Variants in TBC1D30 observed in about 807,000 individuals in gnomAD.
The protein encoded by TBC1D30 is TBC1 domain family, member 30.
Under a neutral mutation model 63.2 loss-of-function variants are expected in TBC1D30, and 31 were observed. That is an observed-to-expected ratio of 0.49 (90% CI 0.37 to 0.66). The LOEUF (loss-of-function observed/expected upper bound fraction) is 0.66, where lower values mean the gene tolerates loss of function less well. TBC1D30 is among the 30% of genes least tolerant of loss of function. The pLI, the probability that TBC1D30 is intolerant of heterozygous loss-of-function variation, is 0.00. For missense variants in TBC1D30, 810 were observed against 953.6 expected, an observed-to-expected ratio of 0.85 and a Z score of 1.98; for synonymous variants, 307 against 361.5, an observed-to-expected ratio of 0.85 and a Z score of 1.71.
Position 64,880,266 on chromosome 12 carries a change from G to T in TBC1D30, c.*4478G>T, listed in dbSNP as rs1879374950. 1 of 152,296 alleles carries T rather than the reference G, an allele frequency of 6.6e-6. No individual in the cohort carries two copies. Among genetic ancestry groups the T allele is most frequent in the African/African-American group, 2.4e-5 (1 of 41,438 alleles). 9.4% of individuals were successfully genotyped at this position (152,296 alleles called of 1,614,324 possible). A position where few individuals can be genotyped will look rare whatever the true frequency, so the allele number is the denominator to read the frequency against. On this transcript the variant is annotated 3_prime_UTR_variant, in exon 12 of 12. Coordinates refer to ENST00000539867, the MANE Select transcript of TBC1D30 (RefSeq NM_015279.2). ...ACCTGAATGGGGACTGGTACTGTAG[G>T]TATTGGGTCAGCTTTCATGCCGTTC... is the stretch of plus-strand genomic sequence containing the variant.
At chr12:64,871,546 G>A (rs1185615304) in intron 11 of TBC1D30, among the ~76,000 whole-genome samples, 1 of 152,154 alleles carries the variant, frequency 6.6e-6, no homozygotes, top group East Asian at 1.9e-4. Flanking sequence ...GACTGATCCT[G>A]CACAAAAACT....
chr12:64,874,725 G>A (rs909366175), intron 11 of TBC1D30, among the ~76,000 whole-genome samples: 2 of 152,268 alleles, frequency 1.3e-5, no homozygotes, highest in African/African-American at 4.8e-5. Flanking sequence ...AAATTAGGGA[G>A]TCCAGGCTCT....
intron 8 of TBC1D30, among the ~76,000 whole-genome samples, chr12:64,857,191 A>T (rs1297345113): frequency 6.6e-6 from 1 of 151,944 alleles, no homozygotes; most frequent in Admixed American, 6.6e-5. Flanking sequence ...CCACAGCTGG[A>T]AATATGCTGG....
intron 1 of TBC1D30, among the ~76,000 whole-genome samples, chr12:64,770,708 C>CTTT (rs756602085): frequency 6.9e-6 from 1 of 144,036 alleles, no homozygotes. Context: ...CCTTTTTCTT[C>CTTT]TTTTTTTTTT....
At chr12:64,792,015 T>G (rs1017321613) in intron 2 of TBC1D30, among the ~76,000 whole-genome samples, 1 of 152,230 alleles carries the variant, frequency 6.6e-6, no homozygotes, top group Non-Finnish European at 1.5e-5. Context: ...TTTGCAGGCA[T>G]AAAATTATTA....
At chr12:64,870,863 A>G (rs1878602245) in intron 11 of TBC1D30, 55 bp downstream of exon 11, 1 of 1,509,446 alleles carries the variant, frequency 6.6e-7, no homozygotes, top group East Asian at 2.5e-5. Flanking sequence ...TTGTAAAATG[A>G]AGAACAAATA....
exon 1 of TBC1D30, chr12:64,780,706 G>A: frequency 1.0e-6 from 1 of 968,484 alleles, no homozygotes; most frequent in Non-Finnish European, 1.2e-6. Context: ...CCGCGCCCGG[G>A]AGGGCACCAC....
At chr12:64,773,079 T>G (rs1352312524) in intron 1 of TBC1D30, among the ~76,000 whole-genome samples, 3 of 152,246 alleles carry the variant, frequency 2.0e-5, no homozygotes, top group Non-Finnish European at 4.4e-5. Context: ...GTTTGATGGC[T>G]TTAAAAAGTA....
At chr12:64,818,530 C>T (rs1873690554) in intron 2 of TBC1D30, 2 of 400,984 alleles carry the variant, frequency 5.0e-6, no homozygotes, top group Admixed American at 6.4e-5. Flanking sequence ...CCTCTGCCTC[C>T]CTGGTTCAAG....
At position 64,875,772 on chromosome 12, in the gene TBC1D30, G is replaced by T. The variant is rs1252605352; in HGVS notation, c.2270G>T (p.Gly757Val). The T allele has an allele frequency of 6.5e-7, 1 of 1,530,224 alleles. No homozygotes were observed. The highest frequency in any genetic ancestry group is 2.0e-5 in the Admixed American group (1 of 49,702). The allele number at this position is 1,530,224 out of a possible 1,614,324, so 94.8% of individuals were successfully genotyped here. Residue 757 changes from glycine to valine, a missense_variant, in exon 12 of 12, where the codon GGC becomes GTC. Transcript: ENST00000539867. ...AGCAAACCCGGCGGTGGAAACAGTG[G>T]CACTAAAAAACGATGATGTCTCCCC... ...SFSKPGGGNSGTKKR is the reference protein window; with the variant it reads ...SFSKPGGGNSVTKKR
chr12:64,855,100 T>C (rs1434001505), intron 8 of TBC1D30, among the ~76,000 whole-genome samples: 4 of 152,186 alleles, frequency 2.6e-5, no homozygotes, highest in Non-Finnish European at 5.9e-5. Flanking sequence ...GAAGTTTTTT[T>C]TTCTTTTGGC....
At chr12:64,772,731 A>T (rs1269104729) in intron 1 of TBC1D30, among the ~76,000 whole-genome samples, 2 of 152,122 alleles carry the variant, frequency 1.3e-5, no homozygotes, top group African/African-American at 2.4e-5. Context: ...CCTGGCCTAC[A>T]TCAGTTCTTT....
rs559960792 is a variant in TBC1D30 at position 64,764,012 on chromosome 12, T to G, written c.-376+4363T>G. 2.9e-4 allele frequency among the ~76,000 whole-genome samples: 44 copies of G among 152,360 alleles called. 1 individual carries two copies. The highest frequency in any genetic ancestry group is 1.0e-3 in the African/African-American group (43 of 41,588). On this transcript the variant is annotated intron_variant, in intron 1 of 13. Coordinates refer to the TBC1D30 transcript ENST00000674237. ...GTGTTAACAGATGACTGATTATAAA[T>G]GCTGTTTAACCACAGGTTAAAATAA...
At chr12:64,762,264 G>A (rs1188382276) in intron 1 of TBC1D30, among the ~76,000 whole-genome samples, 1 of 152,094 alleles carries the variant, frequency 6.6e-6, no homozygotes, top group Admixed American at 6.6e-5. Context: ...GGAGAGAGGT[G>A]GTGAGGACCC....
intron 1 of TBC1D30, 44 bp downstream of exon 1, chr12:64,825,077 C>T (rs1874192211): frequency 4.7e-6 from 7 of 1,504,744 alleles, no homozygotes; most frequent in Non-Finnish European, 6.2e-6. Flanking sequence ...AAAGTAGCGC[C>T]GGGGCTGCCC....
intron 1 of TBC1D30, among the ~76,000 whole-genome samples, chr12:64,783,853 T>TTTTTTTTTTTTTAAATAGAGTTTTG (rs1371635377): frequency 7.9e-6 from 1 of 126,332 alleles, no homozygotes; most frequent in Non-Finnish European, 1.7e-5. Context: ...TTCTTTGGTT[T>TTTTTTTTTTTTTAAATAGAGTTTTG]CACCATGTTG....
At chr12:64,773,294 C>T (rs1267952190) in intron 1 of TBC1D30, among the ~76,000 whole-genome samples, 1 of 152,162 alleles carries the variant, frequency 6.6e-6, no homozygotes, top group Non-Finnish European at 1.5e-5. Flanking sequence ...GGGCCTCCAG[C>T]CACCCCTGCC....
intron 2 of TBC1D30, among the ~76,000 whole-genome samples, chr12:64,798,368 C>T (rs1003581218): frequency 6.6e-6 from 1 of 152,202 alleles, no homozygotes; most frequent in Non-Finnish European, 1.5e-5. Context: ...ATCCATCTTT[C>T]CAATATAATC....
chr12:64,827,815 T>C lies in TBC1D30; in HGVS notation c.155-20T>C. The C allele has an allele frequency of 1.3e-6, 2 of 1,489,202 alleles. No individual in the cohort carries two copies. The highest frequency in any genetic ancestry group is 1.8e-6 in the Non-Finnish European group (2 of 1,106,848). The allele number at this position is 1,489,202 out of a possible 1,614,324, so 92.2% of individuals were successfully genotyped here. A position where few individuals can be genotyped will look rare whatever the true frequency, so the allele number is the denominator to read the frequency against. ...TTATAGTCTCCAAAAATAACATCTA[T>C]TTATGTATTTTTCTTTCAGGAGTTG... On this transcript the variant is annotated intron_variant, in intron 1 of 11. Transcript: ENST00000539867.
Sources: allele counts gnomAD v4.1 joint callset (sites outside exome capture counted in the v4.1 genomes callset), GRCh38; gene constraint gnomAD v4.1.1; transcripts MANE v1.5; gene names NCBI Gene and HGNC (gene_info 2026-07-23, HGNC 2026-07-21).